Variants in OR51B5 observed in about 807,000 individuals in gnomAD.
OR51B5 encodes olfactory receptor family 51 subfamily B member 5.
For missense variants in OR51B5, 456 were observed against 374.6 expected (o/e 1.22, Z -1.79); for synonymous variants, 186 against 144.8 (o/e 1.28, Z -2.04).
chr11:5,356,129 T>C (rs1277301609), intron 1 of OR51B5, among the ~76,000 whole-genome samples: 15 of 152,164 alleles, frequency 9.9e-5, no homozygotes. Context: ...GGACAGAGAA[T>C]GACTTTGACA....
At chr11:5,425,564 CATG>C (rs1476850191) in intron 1 of OR51B5, among the ~76,000 whole-genome samples, 2 of 152,028 alleles carry the variant, frequency 1.3e-5, no homozygotes, top group African/African-American at 2.4e-5. Context: ...TTTAAAACAT[CATG>C]ATATGTTTAG....
chr11:5,388,909 T>C (rs1427408639), intron 1 of OR51B5, among the ~76,000 whole-genome samples: 1 of 152,114 alleles, frequency 6.6e-6, no homozygotes, highest in East Asian at 1.9e-4. Context: ...AGAGATGTGA[T>C]ATGGAGAAGT....
chr11:5,457,469 T>TTATA (rs1564819990), intron 1 of OR51B5, among the ~76,000 whole-genome samples: 1 of 152,224 alleles, frequency 6.6e-6, no homozygotes, highest in East Asian at 1.9e-4. Context: ...GTAGAATGAT[T>TTATA]TATACTCCTT....
At chr11:5,454,469 C>T (rs757961643) in intron 1 of OR51B5, 5 of 1,459,824 alleles carry the variant, frequency 3.4e-6, no homozygotes, top group South Asian at 1.2e-5. Context: ...TGGCCATAGG[C>T]TCTCATCAGT....
chr11:5,407,565 T>A (rs1850077194), intron 1 of OR51B5, among the ~76,000 whole-genome samples: 1 of 152,314 alleles, frequency 6.6e-6, no homozygotes, highest in South Asian at 2.1e-4. Context: ...CACATTATGC[T>A]ATTCACCATG....
chr11:5,460,765 T>C (rs1360893410), intron 1 of OR51B5, among the ~76,000 whole-genome samples: 1 of 152,230 alleles, frequency 6.6e-6, no homozygotes, highest in Admixed American at 6.5e-5. Context: ...TTTCATATTC[T>C]TTGATGCCTT....
intron 1 of OR51B5, among the ~76,000 whole-genome samples, chr11:5,504,807 C>T (rs1846349489): frequency 6.6e-6 from 1 of 152,192 alleles, no homozygotes; most frequent in Non-Finnish European, 1.5e-5. Flanking sequence ...AGTGACCCTC[C>T]CTGCCCCAGA....
At chr11:5,389,393 C>G (rs530716323) in intron 1 of OR51B5, 23 of 1,609,292 alleles carry the variant, frequency 1.4e-5, no homozygotes, top group Non-Finnish European at 2.0e-5. Context: ...GCTCAATCCC[C>G]GAGGAATGTC....
intron 1 of OR51B5, among the ~76,000 whole-genome samples, chr11:5,379,026 G>A (rs995602595): frequency 6.7e-5 from 10 of 150,354 alleles, no homozygotes; most frequent in South Asian, 2.1e-4. Flanking sequence ...TGTTTATTGC[G>A]GTACTATTCA....
chr11:5,453,279 T>C, intron 1 of OR51B5: 1 of 412,298 alleles, frequency 2.4e-6, no homozygotes, highest in Non-Finnish European at 4.3e-6. Context: ...TAGCTCAGCC[T>C]GCAGGCTGAT....
chr11:5,440,339 C>A (rs1369510185), intron 1 of OR51B5, among the ~76,000 whole-genome samples: 1 of 152,180 alleles, frequency 6.6e-6, no homozygotes, highest in South Asian at 2.1e-4. Flanking sequence ...GGTTACTTGA[C>A]AATATTTCAT....
chr11:5,489,508 G>C (rs542670667), intron 1 of OR51B5: 1 of 1,613,946 alleles, frequency 6.2e-7, no homozygotes, highest in Admixed American at 1.7e-5. Context: ...CCACCGCTTT[G>C]GTCACCACGA....
intron 1 of OR51B5, among the ~76,000 whole-genome samples, chr11:5,412,498 C>T (rs935528774): frequency 6.6e-6 from 1 of 152,216 alleles, no homozygotes; most frequent in Non-Finnish European, 1.5e-5. Context: ...CATTGCCTCA[C>T]TCGGGAAGCG....
chr11:5,367,602 G>A (rs1483912038), intron 1 of OR51B5, among the ~76,000 whole-genome samples: 1 of 152,060 alleles, frequency 6.6e-6, no homozygotes, highest in Non-Finnish European at 1.5e-5. Flanking sequence ...CTTCTTTACT[G>A]CAAACTGTTT....
chr11:5,416,270 C>T (rs1381847360), intron 1 of OR51B5, among the ~76,000 whole-genome samples: 14 of 140,328 alleles, frequency 1.0e-4, no homozygotes, highest in South Asian at 2.5e-4. Flanking sequence ...ATTGATGGGA[C>T]GTATCTCAAA....
At chr11:5,389,833 G>A (rs779324183) in intron 1 of OR51B5, 26 of 1,613,708 alleles carry the variant, frequency 1.6e-5, no homozygotes, top group East Asian at 2.2e-5. Context: ...TGAGGTATTC[G>A]GTCATTATCA....
chr11:5,461,490 G>A (rs1231894714), intron 1 of OR51B5, among the ~76,000 whole-genome samples: 1 of 152,172 alleles, frequency 6.6e-6, no homozygotes, highest in Non-Finnish European at 1.5e-5. Context: ...GACTTGCCCT[G>A]TCCCGTGGGC....
chr11:5,351,910 A>AC (rs1283742436), intron 1 of OR51B5: 7 of 1,613,136 alleles, frequency 4.3e-6, no homozygotes, highest in Admixed American at 1.7e-5. Context: ...CTCTATCCTG[A>AC]CCAACACCCA....
At chr11:5,383,557 A>G (rs763108839) in intron 1 of OR51B5, among the ~76,000 whole-genome samples, 93 of 152,346 alleles carry the variant, frequency 6.1e-4, no homozygotes, top group Non-Finnish European at 1.2e-3. Flanking sequence ...ATGATAAGTG[A>G]TATGAATTGA....
Sources: allele counts gnomAD v4.1 joint callset (sites outside exome capture counted in the v4.1 genomes callset), GRCh38; gene constraint gnomAD v4.1.1; transcripts MANE v1.5; gene names NCBI Gene and HGNC (gene_info 2026-07-23, HGNC 2026-07-21).